Variants in ASTN1 observed in about 807,000 individuals in gnomAD.
The protein encoded by ASTN1 is astrotactin 1.
Under a neutral mutation model 140.7 loss-of-function variants are expected in ASTN1, and 41 were observed. That is an observed-to-expected ratio of 0.29 (90% CI 0.23 to 0.38). The LOEUF (loss-of-function observed/expected upper bound fraction) is 0.38, where lower values mean the gene tolerates loss of function less well. Ranked by LOEUF, ASTN1 falls within the 10% of genes least tolerant of loss-of-function variation. ASTN1 has a pLI of 1.00. For missense variants in ASTN1, 1,479 were observed against 1,678.8 expected (o/e 0.88, Z 2.08); for synonymous variants, 640 against 652.2 (o/e 0.98, Z 0.29).
At chr1:176,926,011 G>A (rs1670949355) in intron 16 of ASTN1, among the ~76,000 whole-genome samples, 1 of 152,004 alleles carries the variant, frequency 6.6e-6, no homozygotes. Flanking sequence ...GTTTCACCGT[G>A]TTAGCCAGGA....
intron 8 of ASTN1, among the ~76,000 whole-genome samples, chr1:176,966,651 G>T (rs889676353): frequency 1.3e-5 from 2 of 152,038 alleles, no homozygotes; most frequent in Non-Finnish European, 2.9e-5. Context: ...TACAGCACAT[G>T]TGTATCAGTC....
intron 8 of ASTN1, among the ~76,000 whole-genome samples, chr1:176,985,912 C>T (rs1673883163): frequency 6.8e-6 from 1 of 147,344 alleles, no homozygotes; most frequent in African/African-American, 2.5e-5. Context: ...CCTTTTCCTC[C>T]CATCTAGGGT....
chr1:177,051,733 G>T (rs984094945), intron 2 of ASTN1, among the ~76,000 whole-genome samples: 10 of 152,126 alleles, frequency 6.6e-5, no homozygotes, highest in Non-Finnish European at 1.2e-4. Context: ...GTGTGATCTG[G>T]AGAAAAGGTA....
chr1:176,963,065 G>C (rs947251419), intron 9 of ASTN1, among the ~76,000 whole-genome samples: 1 of 152,136 alleles, frequency 6.6e-6, no homozygotes, highest in Non-Finnish European at 1.5e-5. Flanking sequence ...AGCAGAGTGG[G>C]AGATATTCAA....
At chr1:177,134,358 T>A (rs1048444333) in intron 1 of ASTN1, among the ~76,000 whole-genome samples, 3 of 152,226 alleles carry the variant, frequency 2.0e-5, no homozygotes, top group African/African-American at 7.2e-5. Flanking sequence ...CTCTTACAGT[T>A]CTGATCTTGT....
chr1:177,089,048 A>G (rs1255146243), intron 1 of ASTN1, among the ~76,000 whole-genome samples: 41 of 152,188 alleles, frequency 2.7e-4, no homozygotes, highest in Admixed American at 2.7e-3. Context: ...TATGAGCAGG[A>G]CAATGGCAGA....
intron 9 of ASTN1, among the ~76,000 whole-genome samples, chr1:176,959,307 A>G (rs942285403): frequency 6.6e-6 from 1 of 152,180 alleles, no homozygotes; most frequent in African/African-American, 2.4e-5. Flanking sequence ...AGGCTGTGGC[A>G]GTCTGGCATC....
intron 1 of ASTN1, among the ~76,000 whole-genome samples, chr1:177,147,126 C>T (rs1258705204): frequency 2.6e-5 from 4 of 152,116 alleles, no homozygotes; most frequent in Admixed American, 2.0e-4. Context: ...AAGACACCAA[C>T]AGTTTTTCCC....
intron 2 of ASTN1, among the ~76,000 whole-genome samples, chr1:177,053,051 T>G (rs1677618331): frequency 6.6e-6 from 1 of 152,214 alleles, no homozygotes; most frequent in Non-Finnish European, 1.5e-5. Context: ...ATAGTATGTA[T>G]GCAAATGATC....
intron 1 of ASTN1, among the ~76,000 whole-genome samples, chr1:177,163,030 G>A (rs1437474611): frequency 6.6e-6 from 1 of 152,120 alleles, no homozygotes; most frequent in Non-Finnish European, 1.5e-5. Context: ...TTTCCCTAAG[G>A]GTTGGGGAGT....
rs1448051709 is a variant in ASTN1 at position 176,868,988 on chromosome 1, G to A, written c.3503C>T (p.Thr1168Ile). ...GGCGGTCTGCTGCTCCTTCCCACTA[G>A]TGTAGCCATTGAAGAGATTGTAGAT... ...DKIYNLFNGY[T>I]SGKEQQTAYN... The change falls in exon 22 of 23, where the codon ACT becomes ATT. Residue 1168 changes from threonine (T) to isoleucine (I), a missense_variant. Thr to Ile is a moderately conservative substitution (Grantham distance 89). Transcript: ENST00000361833. The A allele has an allele frequency of 6.2e-7, 1 of 1,608,774 alleles. No individual in the cohort carries two copies.
chr1:177,075,920 G>T (rs557203603), intron 1 of ASTN1, among the ~76,000 whole-genome samples: 17 of 152,040 alleles, frequency 1.1e-4, no homozygotes, highest in Non-Finnish European at 1.9e-4. Flanking sequence ...GTGATTACAG[G>T]CATGAGCTCC....
At chr1:177,074,170 T>C (rs992638783) in intron 1 of ASTN1, among the ~76,000 whole-genome samples, 5 of 152,258 alleles carry the variant, frequency 3.3e-5, no homozygotes, top group African/African-American at 1.2e-4. Flanking sequence ...AGCTGGAGTC[T>C]TTACCTGTGA....
intron 16 of ASTN1, among the ~76,000 whole-genome samples, chr1:176,896,874 C>A (rs1310775852): frequency 6.6e-6 from 1 of 152,126 alleles, no homozygotes; most frequent in African/African-American, 2.4e-5. Context: ...GTCCATCATT[C>A]CCCAAAGCCC....
At chr1:177,081,279 T>C (rs1417691423) in intron 1 of ASTN1, among the ~76,000 whole-genome samples, 2 of 152,202 alleles carry the variant, frequency 1.3e-5, no homozygotes, top group Non-Finnish European at 2.9e-5. Flanking sequence ...ATTCATTCCT[T>C]TAAAAAGTAT....
intron 1 of ASTN1, among the ~76,000 whole-genome samples, chr1:177,129,082 A>G (rs748588579): frequency 1.3e-5 from 2 of 152,202 alleles, no homozygotes; most frequent in African/African-American, 2.4e-5. Flanking sequence ...ATGATAAACC[A>G]GACTGATAGA....
At chr1:176,887,871 G>T (rs1669102422) in intron 18 of ASTN1, among the ~76,000 whole-genome samples, 200 bp downstream of exon 18, 1 of 152,112 alleles carries the variant, frequency 6.6e-6, no homozygotes, top group African/African-American at 2.4e-5. Context: ...TTCTTTAAAT[G>T]CCTCTTGTTA....
chr1:177,031,076 TGA>T, intron 3 of ASTN1, 124 bp from the exon 4 acceptor site: 1 of 1,046,344 alleles, frequency 9.6e-7, no homozygotes, highest in South Asian at 2.0e-5. Flanking sequence ...ACCAGCAAAC[TGA>T]GAGACTGGCT....
At chr1:176,866,728 C>T (rs17312978) in intron 22 of ASTN1, among the ~76,000 whole-genome samples, 9,053 of 152,168 alleles carry the variant, frequency 0.059, 358 homozygotes, top group Non-Finnish European at 0.087. Context: ...GTGGTGCAAC[C>T]AATGTTTTTC....
Sources: gnomAD v4.1 joint callset for allele counts (sites outside exome capture counted in the v4.1 genomes callset) on GRCh38, gnomAD v4.1.1 for gene constraint, MANE v1.5 for transcripts, NCBI Gene and HGNC (gene_info 2026-07-23, HGNC 2026-07-21) for gene names.